Variants in KMT2C observed in about 807,000 individuals in gnomAD.
The protein encoded by KMT2C is histone-lysine N-methyltransferase 2C.
Under a neutral mutation model 507.9 loss-of-function variants are expected in KMT2C, and 88 were observed. The ratio of observed to expected loss-of-function variants is 0.17; its 90% CI spans 0.15 to 0.21. The LOEUF is 0.21. Among genes scored for constraint, KMT2C ranks in the 10% least tolerant of loss-of-function variants. The pLI, the probability that KMT2C is intolerant of heterozygous loss-of-function variation, is 1.00. For missense variants in KMT2C, 4,954 were observed against 5,957.8 expected (o/e 0.83, Z 5.55); for synonymous variants, 2,049 against 2,080.8 (o/e 0.98, Z 0.42).
At chr7:152,361,668 G>A (rs1471269921) in intron 1 of KMT2C, among the ~76,000 whole-genome samples, 3 of 151,964 alleles carry the variant, frequency 2.0e-5, no homozygotes, top group African/African-American at 7.3e-5. Context: ...ACAGCAGGCA[G>A]AAAAGGAATG....
chr7:152,317,641 C>A (rs1399684917), intron 3 of KMT2C, among the ~76,000 whole-genome samples: 4 of 152,294 alleles, frequency 2.6e-5, no homozygotes, highest in Admixed American at 6.5e-5. Context: ...ATGTTAACAC[C>A]TGTGACCAAA....
chr7:152,271,605 C>G (rs550771587), intron 7 of KMT2C, among the ~76,000 whole-genome samples: 1 of 137,814 alleles, frequency 7.3e-6, no homozygotes, highest in Non-Finnish European at 1.5e-5. Context: ...ACCTGGAAGG[C>G]GGAGTTTGCA....
chr7:152,192,420 T>C (rs948589072), intron 31 of KMT2C, among the ~76,000 whole-genome samples: 3 of 151,958 alleles, frequency 2.0e-5, no homozygotes, highest in Admixed American at 6.6e-5. Flanking sequence ...CAGGCACCTG[T>C]AATCCCAGCT....
intron 33 of KMT2C, 76 bp downstream of exon 33, chr7:152,187,186 A>G (rs969676603): frequency 1.7e-6 from 2 of 1,154,238 alleles, no homozygotes; most frequent in African/African-American, 1.5e-5. Context: ...CTACCTTTCT[A>G]TTGCAGTTAA....
At chr7:152,152,635 A>G in intron 49 of KMT2C, 70 bp downstream of exon 49, 1 of 1,553,610 alleles carries the variant, frequency 6.4e-7, no homozygotes, top group East Asian at 2.3e-5. Flanking sequence ...GATAATCAGT[A>G]TCTCAAAGAG....
chr7:152,311,713 T>C (rs1356182834), intron 5 of KMT2C, 85 bp downstream of exon 5: 14 of 927,738 alleles, frequency 1.5e-5, no homozygotes, highest in African/African-American at 3.3e-5. Flanking sequence ...ATGAAAGGTA[T>C]TTATTATTGA....
intron 18 of KMT2C, among the ~76,000 whole-genome samples, chr7:152,228,645 T>C (rs2095010764): frequency 6.6e-6 from 1 of 152,202 alleles, no homozygotes; most frequent in Non-Finnish European, 1.5e-5. Context: ...ATTCGGTAAT[T>C]GTTGGATGGG....
chr7:152,285,681 T>C (rs954474364), intron 6 of KMT2C, among the ~76,000 whole-genome samples: 1 of 152,228 alleles, frequency 6.6e-6, no homozygotes, highest in African/African-American at 2.4e-5. Flanking sequence ...TTGGCTAAAA[T>C]CTATATTTAA....
chr7:152,371,078 A>C (rs1239865880), intron 1 of KMT2C, among the ~76,000 whole-genome samples: 2 of 152,238 alleles, frequency 1.3e-5, no homozygotes, highest in African/African-American at 2.4e-5. Flanking sequence ...CTCACTATAA[A>C]GATAACAATA....
At chr7:152,292,728 G>C (rs1011263790) in intron 6 of KMT2C, among the ~76,000 whole-genome samples, 1 of 152,122 alleles carries the variant, frequency 6.6e-6, no homozygotes, top group African/African-American at 2.4e-5. Flanking sequence ...AACTTCTATA[G>C]CATTTAATGA....
At chr7:152,147,988 A>C (rs2091308530) in intron 52 of KMT2C, 45 bp downstream of exon 52, 2 of 1,498,642 alleles carry the variant, frequency 1.3e-6, no homozygotes, top group Non-Finnish European at 1.8e-6. Context: ...TTAGCCTGAC[A>C]TCAGAGTAAG....
At chr7:152,258,933 G>A (rs1440558977) in intron 9 of KMT2C, among the ~76,000 whole-genome samples, 3 of 152,116 alleles carry the variant, frequency 2.0e-5, no homozygotes, top group Non-Finnish European at 2.9e-5. Flanking sequence ...AAAGGAGGGG[G>A]AAAAGAAATT....
In KMT2C at chr7:152,138,812, A is replaced by T. The variant is rs2129089199; in HGVS notation, c.14627T>A (p.Ile4876Asn). Reference protein sequence around the residue: ...HKIIISSSRRIQKGEELCYDY... With the variant: ...HKIIISSSRRNQKGEELCYDY... ...CACTCTTACCTCTTCTCCTTTCTGGATTCTCCGACTGGAGCTGATGATAAT... is the reference window on the plus strand; with the variant it reads ...CACTCTTACCTCTTCTCCTTTCTGGTTTCTCCGACTGGAGCTGATGATAAT... Residue 4876 changes from isoleucine to asparagine, a missense_variant, in exon 58 of 59, where the codon ATC (isoleucine) becomes AAC (asparagine). Coordinates refer to ENST00000262189, the MANE Select transcript of KMT2C (RefSeq NM_170606.3). The surrounding 1 kb of genome is among the most constrained non-coding windows in gnomAD (Gnocchi z 4.2). 1 of 1,605,852 alleles carries T rather than the reference A, an allele frequency of 6.2e-7. No individual in the cohort carries two copies. The highest frequency in any genetic ancestry group is 8.5e-7 in the Non-Finnish European group (1 of 1,175,566).
intron 14 of KMT2C, among the ~76,000 whole-genome samples, chr7:152,241,611 A>C (rs1265913529): frequency 6.6e-6 from 1 of 152,224 alleles, no homozygotes; most frequent in Admixed American, 6.5e-5. Flanking sequence ...CTCTCATTGC[A>C]TCACCACCTA....
chr7:152,350,142 C>A (rs1242256235), intron 2 of KMT2C, among the ~76,000 whole-genome samples: 2 of 151,954 alleles, frequency 1.3e-5, no homozygotes, highest in African/African-American at 2.4e-5. Flanking sequence ...CCCAGCTACT[C>A]GGGAGGCTGA....
Position 152,181,587 on chromosome 7 carries a change from A to G in KMT2C, c.6273T>C (p.Asn2091=), listed in dbSNP as rs2129120100. Residue 2091 remains asparagine, a synonymous_variant, in exon 36 of 59, where the codon AAT becomes AAC. Transcript: ENST00000262189. ...PIDNFSHNQS[N]DPYSQPPLTP... ...TAAGGGGAGGCTGACTATATGGATC[A>G]TTTGACTGATTATGAGAAAAATTAT... 6.2e-7 allele frequency: 1 copy of G among 1,614,078 alleles called. No homozygotes were observed. Among genetic ancestry groups the G allele is most frequent in the African/African-American group, 1.3e-5 (1 of 75,006 alleles).
chr7:152,345,265 C>T (rs1161016502), intron 2 of KMT2C, among the ~76,000 whole-genome samples: 2 of 151,834 alleles, frequency 1.3e-5, no homozygotes, highest in Non-Finnish European at 2.9e-5. Flanking sequence ...TTTTAATTAG[C>T]CAGGAGTGGT....
intron 6 of KMT2C, among the ~76,000 whole-genome samples, chr7:152,294,979 A>G (rs1456697360): frequency 6.6e-6 from 1 of 152,170 alleles, no homozygotes; most frequent in Non-Finnish European, 1.5e-5. Flanking sequence ...TCCTACCCTG[A>G]CATTTAGTGT....
At chr7:152,400,729 T>C (rs577653878) in intron 1 of KMT2C, among the ~76,000 whole-genome samples, 1 of 152,328 alleles carries the variant, frequency 6.6e-6, no homozygotes, top group East Asian at 1.9e-4. Context: ...GTGGGTGTAC[T>C]GCATTAAAAC....
Sources: allele counts gnomAD v4.1 joint callset (sites outside exome capture counted in the v4.1 genomes callset), GRCh38; gene constraint gnomAD v4.1.1; non-coding constraint Gnocchi (gnomAD v3.1); transcripts MANE v1.5; gene names NCBI Gene and HGNC (gene_info 2026-07-23, HGNC 2026-07-21).